Variants in GAB2 observed in about 807,000 individuals in gnomAD.
The protein encoded by GAB2 is GRB2-associated-binding protein 2.
In GAB2, 26 loss-of-function variants were observed where a neutral mutation model predicts 65.5. The ratio of observed to expected loss-of-function variants is 0.40; its 90% CI spans 0.29 to 0.55. GAB2 has a LOEUF of 0.55. Among genes scored for constraint, GAB2 ranks in the 20% least tolerant of loss-of-function variants. The pLI is 0.53. For synonymous variants in GAB2, 321 were observed against 329.6 expected (o/e 0.97, Z 0.28); for missense variants, 884 against 875.8 (o/e 1.01, Z -0.12).
At chr11:78,244,880 T>C (rs1185392712) in intron 3 of GAB2, among the ~76,000 whole-genome samples, 1 of 152,070 alleles carries the variant, frequency 6.6e-6, no homozygotes, top group African/African-American at 2.4e-5. Flanking sequence ...AGTATGAAAG[T>C]TCCTCAAAAA....
At chr11:78,382,739 A>G (rs1856714312) in intron 1 of GAB2, among the ~76,000 whole-genome samples, 1 of 152,220 alleles carries the variant, frequency 6.6e-6, no homozygotes, top group African/African-American at 2.4e-5. Flanking sequence ...TAAACGTTCA[A>G]AAGACTGTCA....
At chr11:78,354,422 C>A (rs559313234) in intron 1 of GAB2, among the ~76,000 whole-genome samples, 1 of 151,906 alleles carries the variant, frequency 6.6e-6, no homozygotes, top group Non-Finnish European at 1.5e-5. Context: ...TGTATTGTAT[C>A]ATATATGACA....
intron 1 of GAB2, among the ~76,000 whole-genome samples, chr11:78,330,549 G>C (rs1190579880): frequency 2.0e-5 from 3 of 152,202 alleles, no homozygotes; most frequent in Admixed American, 1.3e-4. Context: ...CGTAGTGATA[G>C]ATGACAGAGA....
rs1027842696 is a variant in GAB2 at position 78,409,865 on chromosome 11, T to G, written c.75+7781A>C. Among the ~76,000 whole-genome samples, 20 of 152,250 alleles carry G rather than the reference T, an allele frequency of 1.3e-4. No individual in the cohort carries two copies. In the South Asian group the frequency reaches 2.5e-3, roughly 19 times the overall value. On this transcript the variant is annotated intron_variant, in intron 1 of 9. Transcript: ENST00000361507. ...GGAACCTAAAGCAAGATAGACCACA[T>G]TTTCAGCAATAAAATAAACCTTGAC...
At chr11:78,303,648 T>G (rs903123842) in intron 1 of GAB2, among the ~76,000 whole-genome samples, 2 of 152,240 alleles carry the variant, frequency 1.3e-5, no homozygotes, top group Non-Finnish European at 2.9e-5. Context: ...TTCTTGGTCC[T>G]TTGCATTTCC....
In GAB2 at chr11:78,360,395, T is replaced by A. The variant is rs797017672; in HGVS notation, c.75+57251A>T. 4.1e-3 allele frequency among the ~76,000 whole-genome samples: 569 copies of A among 139,952 alleles called. 4 individuals carry two copies. The highest frequency in any genetic ancestry group is 0.014 in the African/African-American group (523 of 37,496). 91.8% of individuals were successfully genotyped at this position (139,952 alleles called of 152,430 possible). On this transcript the variant is annotated intron_variant, in intron 1 of 9. Coordinates refer to ENST00000361507, the MANE Select transcript of GAB2 (RefSeq NM_080491.3). ...TATGACGAAGCCCTGTTTCTGTATT[T>A]AAAAAAAAAAAAAAGAAGAAGAGGA...
intron 1 of GAB2, among the ~76,000 whole-genome samples, chr11:78,345,809 G>A (rs954371808): frequency 6.6e-6 from 1 of 152,166 alleles, no homozygotes; most frequent in Non-Finnish European, 1.5e-5. Context: ...TGGAAGGCAC[G>A]GTAACCAGAA....
At chr11:78,374,013 A>C (rs1431193400) in intron 1 of GAB2, among the ~76,000 whole-genome samples, 1 of 152,234 alleles carries the variant, frequency 6.6e-6, no homozygotes, top group Non-Finnish European at 1.5e-5. Flanking sequence ...TTACATTGAA[A>C]AGCATTCTAA....
rs535097016 is a variant in GAB2 at position 78,226,217 on chromosome 11, A to G, written c.1207+248T>C. On this transcript the variant is annotated intron_variant, in intron 4 of 9. Coordinates refer to ENST00000361507, the MANE Select transcript of GAB2 (RefSeq NM_080491.3). ...TACTGTGGTTAATCAAGAATGTCCT[A>G]TTCTCCATTAGTAGAACATTAACTT... Among the ~76,000 whole-genome samples the G allele has an allele frequency of 5.4e-4, 82 of 152,364 alleles. 1 individual carries two copies. The highest frequency in any genetic ancestry group is 2.4e-3 in the Admixed American group (37 of 15,304).
intron 1 of GAB2, among the ~76,000 whole-genome samples, chr11:78,353,669 A>G (rs1308554516): frequency 1.3e-5 from 2 of 152,220 alleles, no homozygotes; most frequent in African/African-American, 4.8e-5. Flanking sequence ...TCAGAAACTG[A>G]ATTTTTAATT....
chr11:78,321,662 T>G (rs1855726628), intron 1 of GAB2, among the ~76,000 whole-genome samples: 1 of 152,146 alleles, frequency 6.6e-6, no homozygotes, highest in Non-Finnish European at 1.5e-5. Flanking sequence ...TTGGGAAACT[T>G]TTGAAAAGTA....
Position 78,230,673 on chromosome 11 carries a change from G to C in GAB2, c.621-3622C>G, listed in dbSNP as rs942841017. ...GATAGATAATAGTGACACATGTTGA[G>C]GGAGACTGATTATCACCTCAGTAAC... On this transcript the variant is annotated intron_variant, in intron 3 of 9. Coordinates refer to ENST00000361507, the MANE Select transcript of GAB2 (RefSeq NM_080491.3). Among the ~76,000 whole-genome samples the C allele has an allele frequency of 4.6e-5, 7 of 152,242 alleles. No individual in the cohort carries two copies. The East Asian group carries it at 1.3e-3, about 29-fold the overall frequency.
chr11:78,274,369 A>G (rs113483804), intron 2 of GAB2, among the ~76,000 whole-genome samples: 1 of 152,222 alleles, frequency 6.6e-6, no homozygotes, highest in Non-Finnish European at 1.5e-5. Context: ...TGAAGCCTCT[A>G]TAGGAGCAAA....
At chr11:78,337,031 G>C (rs984308641) in intron 1 of GAB2, among the ~76,000 whole-genome samples, 4 of 152,134 alleles carry the variant, frequency 2.6e-5, no homozygotes, top group Non-Finnish European at 4.4e-5. Flanking sequence ...TTTGACTATG[G>C]ACTTCTGAAG....
intron 1 of GAB2, among the ~76,000 whole-genome samples, chr11:78,357,636 T>TA (rs1408796592): frequency 6.6e-6 from 1 of 152,186 alleles, no homozygotes; most frequent in Non-Finnish European, 1.5e-5. Context: ...AAAGAAGATA[T>TA]TTATGCAGCC....
intron 1 of GAB2, among the ~76,000 whole-genome samples, chr11:78,323,459 G>A (rs973853900): frequency 2.0e-5 from 3 of 152,000 alleles, no homozygotes; most frequent in African/African-American, 4.8e-5. Flanking sequence ...GTAGTCAGCC[G>A]AGATCATGCC....
chr11:78,273,537 C>G (rs898350708), intron 2 of GAB2, among the ~76,000 whole-genome samples: 1 of 152,242 alleles, frequency 6.6e-6, no homozygotes, highest in African/African-American at 2.4e-5. Flanking sequence ...GCTTGTATCC[C>G]CATTGTATCT....
In GAB2 at chr11:78,389,646, G is replaced by A. The variant is rs1856809343; in HGVS notation, c.75+28000C>T. Reference sequence around the variant, plus strand: ...AGGTAAGAATGTTCTGAAAATAGTGGTGATGGCTGTACAACTGCATAAATA... The same window carrying A: ...AGGTAAGAATGTTCTGAAAATAGTGATGATGGCTGTACAACTGCATAAATA... On this transcript the variant is annotated intron_variant, in intron 1 of 9. Transcript: ENST00000361507. Among the ~76,000 whole-genome samples the A allele has an allele frequency of 2.0e-5, 3 of 152,180 alleles. No homozygotes were observed. The South Asian group carries it at 6.2e-4, about 32-fold the overall frequency.
chr11:78,320,204 A>G (rs114746351), intron 1 of GAB2, among the ~76,000 whole-genome samples: 156 of 152,014 alleles, frequency 1.0e-3, no homozygotes, highest in African/African-American at 3.7e-3. Flanking sequence ...AAACAATTTT[A>G]TTTTCTTTTT....
Sources: gnomAD v4.1 joint callset for allele counts (sites outside exome capture counted in the v4.1 genomes callset) on GRCh38, gnomAD v4.1.1 for gene constraint, MANE v1.5 for transcripts, NCBI Gene and HGNC (gene_info 2026-07-23, HGNC 2026-07-21) for gene names.